Variants in COL4A2 observed in about 807,000 individuals in gnomAD.
COL4A2 encodes collagen alpha-2(IV) chain.
Under a neutral mutation model 200.2 loss-of-function variants are expected in COL4A2, and 99 were observed. The ratio of observed to expected loss-of-function variants is 0.49; its 90% CI spans 0.42 to 0.58. The LOEUF (loss-of-function observed/expected upper bound fraction) is 0.58, where lower values mean the gene tolerates loss of function less well. Among genes scored for constraint, COL4A2 ranks in the 20% least tolerant of loss-of-function variants. The pLI is 0.00. For synonymous variants in COL4A2, 897 were observed against 900.6 expected (o/e 1.00, Z 0.07); for missense variants, 1,950 against 2,314.1 (o/e 0.84, Z 3.23).
At chr13:110,358,435 C>T (rs1174803501) in intron 4 of COL4A2, among the ~76,000 whole-genome samples, 1 of 152,132 alleles carries the variant, frequency 6.6e-6, no homozygotes, top group Non-Finnish European at 1.5e-5. Flanking sequence ...TTACAGTTAA[C>T]ATATGTACAC....
At chr13:110,472,534 C>T (rs1322347225) in intron 28 of COL4A2, among the ~76,000 whole-genome samples, 6 of 152,142 alleles carry the variant, frequency 3.9e-5, no homozygotes, top group Admixed American at 6.6e-5. Flanking sequence ...GTTCCTGCCT[C>T]CCTGGGATTT....
intron 38 of COL4A2, among the ~76,000 whole-genome samples, chr13:110,492,866 G>C (rs887186204): frequency 2.0e-5 from 3 of 152,176 alleles, no homozygotes; most frequent in African/African-American, 7.2e-5. Flanking sequence ...TTTACATGTC[G>C]TGTAAGTTGA....
intron 4 of COL4A2, among the ~76,000 whole-genome samples, chr13:110,384,395 G>A (rs796221531): frequency 1.3e-5 from 2 of 152,336 alleles, no homozygotes; most frequent in African/African-American, 4.8e-5. Context: ...GATTCGGTGT[G>A]AAGCATTATC....
intron 3 of COL4A2, chr13:110,328,452 G>C (rs1021966150): frequency 6.6e-6 from 1 of 152,232 alleles, no homozygotes; most frequent in Non-Finnish European, 1.5e-5. Context: ...CAAATGCGGT[G>C]CAAGCTGAGA....
At chr13:110,507,237 T>C (rs1376088064) in intron 46 of COL4A2, among the ~76,000 whole-genome samples, 3 of 152,142 alleles carry the variant, frequency 2.0e-5, no homozygotes, top group Admixed American at 6.5e-5. Context: ...CCGGGAAGCA[T>C]GTTGCTGGCT....
intron 4 of COL4A2, among the ~76,000 whole-genome samples, chr13:110,391,807 G>C (rs1436683340): frequency 6.6e-6 from 1 of 152,220 alleles, no homozygotes; most frequent in Non-Finnish European, 1.5e-5. Context: ...CCCGTCCTGA[G>C]AGTGAACCAC....
intron 4 of COL4A2, among the ~76,000 whole-genome samples, chr13:110,392,613 A>G (rs1007991694): frequency 5.9e-5 from 9 of 152,202 alleles, no homozygotes; most frequent in Non-Finnish European, 1.2e-4. Flanking sequence ...CCATGCAGAA[A>G]AAAAGACCAT....
chr13:110,416,326 G>C (rs1308879688), intron 4 of COL4A2, among the ~76,000 whole-genome samples: 1 of 152,266 alleles, frequency 6.6e-6, no homozygotes, highest in Non-Finnish European at 1.5e-5. Flanking sequence ...CTCAGGTGCA[G>C]TCTGGGCTCT....
chr13:110,477,081 G>A (rs1430086655), intron 29 of COL4A2, among the ~76,000 whole-genome samples: 2 of 152,232 alleles, frequency 1.3e-5, no homozygotes, highest in African/African-American at 4.8e-5. Flanking sequence ...GGGCACAGTG[G>A]CTCATGCCTG....
chr13:110,512,354 G>C lies in COL4A2; in HGVS notation c.*163G>C, dbSNP rs1449746161. The stretch of plus-strand genomic sequence containing the variant: ...TAGACCTGCCAGCCACTGTCACCGA[G>C]CGGGTGCAAGCACTCGGGGTCCCTG... On this transcript the variant is annotated 3_prime_UTR_variant, in exon 48 of 48. Transcript: ENST00000360467. 1 of 1,230,694 alleles carries C rather than the reference G, an allele frequency of 8.1e-7. No individual in the cohort carries two copies. The highest frequency in any genetic ancestry group is 1.1e-6 in the Non-Finnish European group (1 of 915,444). The allele number at this position is 1,230,694 out of a possible 1,614,324, so 76.2% of individuals were successfully genotyped here. A position where few individuals can be genotyped will look rare whatever the true frequency, so the allele number is the denominator to read the frequency against.
chr13:110,476,772 A>G (rs1882720378), intron 29 of COL4A2, among the ~76,000 whole-genome samples: 1 of 152,248 alleles, frequency 6.6e-6, no homozygotes, highest in African/African-American at 2.4e-5. Flanking sequence ...CCAGGGAGCT[A>G]GTGTTAAAAA....
intron 47 of COL4A2, among the ~76,000 whole-genome samples, chr13:110,509,743 ACT>A (rs1388502762): frequency 2.6e-5 from 4 of 152,030 alleles, no homozygotes; most frequent in Admixed American, 2.6e-4. Flanking sequence ...TGCACACGTA[ACT>A]CTCTGCTTAC....
At chr13:110,348,045 G>A (rs1876790619) in intron 3 of COL4A2, among the ~76,000 whole-genome samples, 1 of 152,220 alleles carries the variant, frequency 6.6e-6, no homozygotes, top group African/African-American at 2.4e-5. Flanking sequence ...CCTAAAGAGT[G>A]TCTAGCCCAA....
At chr13:110,397,676 G>A (rs772265294) in intron 4 of COL4A2, among the ~76,000 whole-genome samples, 1 of 152,164 alleles carries the variant, frequency 6.6e-6, no homozygotes, top group African/African-American at 2.4e-5. Context: ...CGCAGAAAGC[G>A]ATCTGAGACG....
intron 4 of COL4A2, among the ~76,000 whole-genome samples, chr13:110,390,134 G>T (rs1258632588): frequency 6.6e-6 from 1 of 152,220 alleles, no homozygotes; most frequent in Non-Finnish European, 1.5e-5. Flanking sequence ...TACTATGCTA[G>T]GTGCAAGGAT....
At chr13:110,432,657 A>G (rs1880725386) in intron 11 of COL4A2, among the ~76,000 whole-genome samples, 1 of 152,324 alleles carries the variant, frequency 6.6e-6, no homozygotes, top group Non-Finnish European at 1.5e-5. Context: ...GAAGATTAGA[A>G]CAATTTAGGG....
chr13:110,347,628 C>T (rs1876767209), intron 3 of COL4A2, among the ~76,000 whole-genome samples: 1 of 152,196 alleles, frequency 6.6e-6, no homozygotes, highest in Non-Finnish European at 1.5e-5. Flanking sequence ...GTGTTCTGGC[C>T]CTGGCCTTTG....
intron 29 of COL4A2, among the ~76,000 whole-genome samples, chr13:110,475,545 A>G (rs1882674046): frequency 6.6e-6 from 1 of 152,238 alleles, no homozygotes; most frequent in Admixed American, 6.5e-5. Context: ...ATGTCTTATT[A>G]AGGTCTTTAC....
chr13:110,343,435 T>C (rs761208835), intron 3 of COL4A2, among the ~76,000 whole-genome samples: 2 of 152,058 alleles, frequency 1.3e-5, no homozygotes, highest in Non-Finnish European at 2.9e-5. Context: ...CCTGCTGATG[T>C]GGGAAGGCAT....
Sources: gnomAD v4.1 joint callset for allele counts (sites outside exome capture counted in the v4.1 genomes callset) on GRCh38, gnomAD v4.1.1 for gene constraint, MANE v1.5 for transcripts, NCBI Gene and HGNC (gene_info 2026-07-23, HGNC 2026-07-21) for gene names.